The following RGPD2 variants were observed in gnomAD, a reference collection of about 807,000 sequenced individuals.
RGPD2 encodes RANBP2 like and GRIP domain containing 2, also known as RANBP2-like and GRIP domain-containing protein 2.
RGPD2 carries 2 observed loss-of-function variants against 36.0 expected under a neutral mutation model. That is an observed-to-expected ratio of 0.06 (90% CI 0.02 to 0.17). The LOEUF is 0.17. RGPD2 is among the 10% of genes least tolerant of loss of function. RGPD2 has a pLI of 1.00. For synonymous variants in RGPD2, 19 were observed against 163.8 expected, an observed-to-expected ratio of 0.12 and a Z score of 6.75; for missense variants, 40 against 464.3, an observed-to-expected ratio of 0.09 and a Z score of 8.40.
chr2:87,805,986 AC>A (rs1267664833), intron 7 of RGPD2, among the ~76,000 whole-genome samples: 1 of 149,236 alleles, frequency 6.7e-6, no homozygotes, highest in African/African-American at 2.5e-5. Context: ...ACATGGTGAA[AC>A]CCCATCTCTA....
the RGPD2 span, among the ~76,000 whole-genome samples, chr2:87,925,417 GAGCAATTT>G: frequency 9.0e-4 from 9 of 10,002 alleles, no homozygotes; most frequent in African/African-American, 3.6e-3. Flanking sequence ...ACCAGCCACA[GAGCAATTT>G]AGATTCCCCA....
chr2:87,841,587 G>A, the RGPD2 span, among the ~76,000 whole-genome samples: 1 of 151,858 alleles, frequency 6.6e-6, no homozygotes, highest in Non-Finnish European at 1.5e-5. Context: ...TTGGGAGGGT[G>A]TATCCATGAC....
At chr2:87,929,465 TTTG>T in the RGPD2 span, among the ~76,000 whole-genome samples, 6 of 116,650 alleles carry the variant, frequency 5.1e-5, no homozygotes, top group African/African-American at 2.3e-4. Context: ...TGCCTCCAGC[TTTG>T]TTTTTTTTGT....
At chr2:87,830,863 C>T in the RGPD2 span, among the ~76,000 whole-genome samples, 1 of 152,116 alleles carries the variant, frequency 6.6e-6, no homozygotes, top group Admixed American at 6.5e-5. Flanking sequence ...TTACTTCCTG[C>T]TTGGTGTCTC....
intron 1 of RGPD2, chr2:87,825,043 T>C (rs76814297): frequency 2.6e-6 from 1 of 389,284 alleles, no homozygotes; most frequent in Non-Finnish European, 4.5e-6. Context: ...CAAATTACCA[T>C]CTACCCCCCT....
chr2:87,867,803 T>TA, the RGPD2 span, among the ~76,000 whole-genome samples: 1 of 144,794 alleles, frequency 6.9e-6, no homozygotes, highest in Non-Finnish European at 1.5e-5. Context: ...TTATATATTA[T>TA]AAAATCTCTA....
the RGPD2 span, among the ~76,000 whole-genome samples, chr2:87,880,127 A>C: frequency 7.7e-6 from 1 of 130,218 alleles, no homozygotes; most frequent in South Asian, 2.6e-4. Flanking sequence ...AGAAAAGTCT[A>C]TTCAAGTTCT....
At chr2:87,923,211 G>T in the RGPD2 span, among the ~76,000 whole-genome samples, 3 of 152,100 alleles carry the variant, frequency 2.0e-5, no homozygotes, top group African/African-American at 4.8e-5. Context: ...AAATTTCTAT[G>T]AAAATGTGAC....
chr2:87,836,234 C>A, the RGPD2 span, among the ~76,000 whole-genome samples: 2 of 125,636 alleles, frequency 1.6e-5, no homozygotes, highest in African/African-American at 3.0e-5. Context: ...AGAGAAGAGA[C>A]AGACAAATAG....
intron 1 of RGPD2, among the ~76,000 whole-genome samples, chr2:87,822,235 CA>C (rs1170316181): frequency 1.3e-5 from 2 of 151,834 alleles, no homozygotes; most frequent in African/African-American, 4.8e-5. Flanking sequence ...GCAGAACAAA[CA>C]AAAGAGGAGA....
intron 22 of RGPD2, among the ~76,000 whole-genome samples, chr2:87,762,740 CAACAAA>C (rs1684926345): frequency 2.8e-5 from 1 of 35,408 alleles, no homozygotes; most frequent in Middle Eastern, 6.5e-3. Context: ...ACAACAACAA[CAACAAA>C]AACAAATTAA....
At chr2:87,986,022 T>C in the RGPD2 span, 1 of 752,226 alleles carries the variant, frequency 1.3e-6, no homozygotes, top group South Asian at 1.9e-5. Flanking sequence ...CCAATTATTA[T>C]GAAAAGAAAA....
the RGPD2 span, among the ~76,000 whole-genome samples, chr2:87,836,800 A>C: frequency 6.6e-6 from 1 of 152,254 alleles, no homozygotes; most frequent in East Asian, 1.9e-4. Context: ...AAATTGGGTA[A>C]AGCAGCCAAA....
chr2:87,911,497 A>G, the RGPD2 span, among the ~76,000 whole-genome samples: 1 of 152,014 alleles, frequency 6.6e-6, no homozygotes, highest in African/African-American at 2.4e-5. Context: ...AGTAAATTAA[A>G]TCAAGATGGA....
upstream of RGPD2, among the ~76,000 whole-genome samples, chr2:87,826,144 C>G (rs1236629858): frequency 6.6e-6 from 1 of 152,126 alleles, no homozygotes; most frequent in Non-Finnish European, 1.5e-5. Flanking sequence ...GAATTATTTT[C>G]TCTTTGTAAA....
the RGPD2 span, among the ~76,000 whole-genome samples, chr2:87,886,261 G>A: frequency 6.6e-6 from 1 of 151,700 alleles, no homozygotes; most frequent in Non-Finnish European, 1.5e-5. Flanking sequence ...CTCCTTACCA[G>A]ATTCTCGTCT....
At chr2:87,906,789 G>C in the RGPD2 span, among the ~76,000 whole-genome samples, 2 of 148,472 alleles carry the variant, frequency 1.3e-5, no homozygotes, top group Non-Finnish European at 3.0e-5. Context: ...CTAGCACTTT[G>C]GGAGGCTTAG....
the RGPD2 span, among the ~76,000 whole-genome samples, chr2:87,836,941 A>G: frequency 6.6e-6 from 1 of 151,950 alleles, no homozygotes; most frequent in Non-Finnish European, 1.5e-5. Flanking sequence ...TTCTTATTTC[A>G]GACAAAACAG....
At chr2:87,943,421 CTT>C in the RGPD2 span, among the ~76,000 whole-genome samples, 2 of 151,964 alleles carry the variant, frequency 1.3e-5, no homozygotes, top group African/African-American at 2.4e-5. Context: ...TATTCAGACT[CTT>C]TGCCTATTTT....
Sources: gnomAD v4.1 joint callset for allele counts (sites outside exome capture counted in the v4.1 genomes callset) on GRCh38, gnomAD v4.1.1 for gene constraint, MANE v1.5 for transcripts, NCBI Gene and HGNC (gene_info 2026-07-23, HGNC 2026-07-21) for gene names.